The following RUFY3 variants were observed in gnomAD, a reference collection of about 807,000 sequenced individuals.
RUFY3 encodes the protein RUN and FYVE domain containing 3, also known as protein RUFY3.
Under a neutral mutation model 84.0 loss-of-function variants are expected in RUFY3, and 34 were observed. The observed-to-expected ratio is 0.40, with a 90% CI of 0.31 to 0.54. The LOEUF (loss-of-function observed/expected upper bound fraction) is 0.54. Among genes scored for constraint, RUFY3 ranks in the 20% least tolerant of loss-of-function variants. The probability of loss-of-function intolerance (pLI) is 0.39; values close to 1 mark genes in which losing one functional copy is unlikely to be tolerated. For missense variants in RUFY3, 507 were observed against 736.8 expected (o/e 0.69, Z 3.61); for synonymous variants, 242 against 252.9 (o/e 0.96, Z 0.41).
At chr4:70,730,572 C>CA (rs796173421) in intron 1 of RUFY3, among the ~76,000 whole-genome samples, 3,335 of 106,448 alleles carry the variant, frequency 0.031, 55 homozygotes, top group Non-Finnish European at 0.033. Context: ...ACTAAAAATA[C>CA]AAAAAAAAAA....
upstream of RUFY3, among the ~76,000 whole-genome samples, chr4:70,719,333 G>T (rs1742012232): frequency 6.6e-6 from 1 of 152,190 alleles, no homozygotes; most frequent in African/African-American, 2.4e-5. Context: ...ATCTTCCGAA[G>T]GAATGTTAAT....
At chr4:70,725,770 G>T (rs1264250506) in intron 1 of RUFY3, among the ~76,000 whole-genome samples, 3 of 152,218 alleles carry the variant, frequency 2.0e-5, no homozygotes, top group Non-Finnish European at 4.4e-5. Context: ...GACCTTAAGA[G>T]ATAAACAGGT....
chr4:70,722,771 G>A lies in RUFY3; in HGVS notation c.178+20G>A, dbSNP rs769106842. Reference sequence around the variant, plus strand: ...ATGAAGGTATGGTCAGATCCTGTCCGCTAGTATTTCACCAGCATCCTCATT... The same window carrying A: ...ATGAAGGTATGGTCAGATCCTGTCCACTAGTATTTCACCAGCATCCTCATT... On this transcript the variant is annotated intron_variant, in intron 1 of 17. Coordinates refer to ENST00000381006, the MANE Select transcript of RUFY3 (RefSeq NM_001037442.4). 2.5e-6 allele frequency: 4 copies of A among 1,605,022 alleles called. No homozygotes were observed. Among genetic ancestry groups the A allele is most frequent in the Admixed American group, 1.7e-5 (1 of 59,720 alleles).
Position 70,773,584 on chromosome 4 carries a change from G to A in RUFY3, c.758+12G>A. ...AAAGGTACTGAAGGGTACGTACAAA[G>A]AAAATTAGATTTCTTTTCTCCTGAT... is the stretch of plus-strand genomic sequence containing the variant. On this transcript the variant is annotated intron_variant, in intron 6 of 17. Coordinates refer to ENST00000381006, the MANE Select transcript of RUFY3 (RefSeq NM_001037442.4). The A allele has an allele frequency of 6.3e-7, 1 of 1,591,604 alleles. No homozygotes were observed. Among genetic ancestry groups the A allele is most frequent in the Non-Finnish European group, 8.6e-7 (1 of 1,161,478 alleles).
At chr4:70,775,020 G>A in intron 6 of RUFY3, 148 bp from the exon 7 acceptor site, 1 of 495,628 alleles carries the variant, frequency 2.0e-6, no homozygotes, top group South Asian at 3.5e-5. Flanking sequence ...TGTCAAGAGG[G>A]TTTTACATCA....
intron 1 of RUFY3, among the ~76,000 whole-genome samples, chr4:70,758,188 C>CT (rs1724361323): frequency 6.6e-6 from 1 of 152,230 alleles, no homozygotes; most frequent in African/African-American, 2.4e-5. Context: ...CCTCCATACT[C>CT]TGTCAGGTCA....
At chr4:70,744,702 T>A (rs1272444048) in intron 1 of RUFY3, among the ~76,000 whole-genome samples, 1 of 150,662 alleles carries the variant, frequency 6.6e-6, no homozygotes, top group East Asian at 1.9e-4. Flanking sequence ...TTGCCCAGGC[T>A]GGAGTGCAAT....
At position 70,764,666 on chromosome 4, in the gene RUFY3, C is replaced by G. The variant is rs76485885; in HGVS notation, c.572+90C>G. ...ATATAAGTTCACTATTTTTGTAGAT[C>G]AGAAACATTTGATTCATAACAGCTT... On this transcript the variant is annotated intron_variant, in intron 4 of 17. Transcript: ENST00000381006. 3.2e-3 allele frequency: 2,300 copies of G among 727,780 alleles called. 67 individuals carry two copies. The East Asian group carries it at 0.054, about 17-fold the overall frequency. The allele number at this position is 727,780 out of a possible 1,614,324, so 45.1% of individuals were successfully genotyped here.
chr4:70,768,791 T>G, intron 5 of RUFY3, 130 bp downstream of exon 5: 1 of 848,894 alleles, frequency 1.2e-6, no homozygotes, highest in Admixed American at 2.7e-5. Context: ...CCTTCCATTT[T>G]GATGGGAATA....
chr4:70,781,354 C>T (rs920189870), intron 8 of RUFY3, among the ~76,000 whole-genome samples: 1 of 152,098 alleles, frequency 6.6e-6, no homozygotes, highest in Admixed American at 6.5e-5. Context: ...GTGGTGCACA[C>T]CTGTAGTCCC....
chr4:70,750,157 G>A (rs920821712), intron 1 of RUFY3, among the ~76,000 whole-genome samples: 2 of 152,066 alleles, frequency 1.3e-5, no homozygotes, highest in Non-Finnish European at 2.9e-5. Flanking sequence ...GGCTATGGGT[G>A]CGTACCACCA....
chr4:70,711,963 A>G (rs971123376), intron 1 of RUFY3, among the ~76,000 whole-genome samples: 2 of 151,894 alleles, frequency 1.3e-5, no homozygotes, highest in African/African-American at 2.4e-5. Context: ...GGCATTATCA[A>G]AAAGTCAAAT....
At chr4:70,743,819 G>C (rs548369001) in intron 1 of RUFY3, among the ~76,000 whole-genome samples, 2 of 152,192 alleles carry the variant, frequency 1.3e-5, no homozygotes, top group South Asian at 4.1e-4. Flanking sequence ...TGAGAATGGG[G>C]AGAGGGAGAT....
chr4:70,798,109 G>A (rs1313127167), intron 14 of RUFY3, among the ~76,000 whole-genome samples: 1 of 152,162 alleles, frequency 6.6e-6, no homozygotes, highest in Non-Finnish European at 1.5e-5. Context: ...GCTCACACCT[G>A]TAATCCTAAC....
At chr4:70,793,994 G>C in intron 13 of RUFY3, 90 bp downstream of exon 13, 1 of 1,444,174 alleles carries the variant, frequency 6.9e-7, no homozygotes, top group Non-Finnish European at 9.4e-7. Flanking sequence ...CTTCCAGCCA[G>C]GTTGGCTCTG....
intron 1 of RUFY3, among the ~76,000 whole-genome samples, chr4:70,746,953 G>T (rs1470643965): frequency 3.3e-5 from 5 of 152,168 alleles, no homozygotes; most frequent in Admixed American, 1.3e-4. Flanking sequence ...GGGGATCCTT[G>T]TCGTGATGGA....
In RUFY3 at chr4:70,742,703, ACTT is replaced by A. The variant is rs1721513752; in HGVS notation, c.179-19812_179-19810del. Among the ~76,000 whole-genome samples the A allele has an allele frequency of 8.5e-5, 13 of 152,264 alleles. No homozygotes were observed. In the South Asian group the frequency reaches 2.7e-3, roughly 32 times the overall value. ...TCCTTGAGAACAGAGATTGTCTTAA[ACTT>A]CTTGGTATCCTTAATCAGACCTGGG... On this transcript the variant is annotated intron_variant, in intron 1 of 17. Transcript: ENST00000381006.
intron 12 of RUFY3, chr4:70,793,020 A>G (rs1731058532): frequency 3.0e-6 from 3 of 985,252 alleles, no homozygotes; most frequent in South Asian, 9.4e-5. Context: ...AAATTCTATT[A>G]TATAAAGCCC....
At chr4:70,729,899 A>C (rs1465995047) in intron 1 of RUFY3, among the ~76,000 whole-genome samples, 2 of 149,654 alleles carry the variant, frequency 1.3e-5, no homozygotes, top group African/African-American at 2.5e-5. Context: ...TCCACAAGTT[A>C]TCAGTTATCC....
Sources: allele counts gnomAD v4.1 joint callset (sites outside exome capture counted in the v4.1 genomes callset), GRCh38; gene constraint gnomAD v4.1.1; transcripts MANE v1.5; gene names NCBI Gene and HGNC (gene_info 2026-07-23, HGNC 2026-07-21).